The following ASIC2 variants were observed in gnomAD, a reference collection of about 807,000 sequenced individuals.
ASIC2 encodes the protein acid sensing ion channel subunit 2, also known as acid-sensing ion channel 2.
In ASIC2, 25 loss-of-function variants were observed where a neutral mutation model predicts 57.3. That is an observed-to-expected ratio of 0.44 (90% CI 0.32 to 0.61). The LOEUF is 0.61. Ranked by LOEUF, ASIC2 falls within the 20% of genes least tolerant of loss-of-function variation. ASIC2 has a pLI of 0.06. For missense variants in ASIC2, 641 were observed against 738.1 expected (o/e 0.87, Z 1.52); for synonymous variants, 319 against 307.5 (o/e 1.04, Z -0.39).
chr17:33,110,827 C>T (rs2092255139), intron 2 of ASIC2, among the ~76,000 whole-genome samples: 1 of 152,038 alleles, frequency 6.6e-6, no homozygotes, highest in South Asian at 2.1e-4. Context: ...TTTCCTCAGC[C>T]CCAACCTGAG....
At chr17:33,919,278 C>A (rs1040914797) in intron 1 of ASIC2, among the ~76,000 whole-genome samples, 2 of 152,072 alleles carry the variant, frequency 1.3e-5, no homozygotes, top group Non-Finnish European at 2.9e-5. Flanking sequence ...TGAGTCCAGT[C>A]GCTGATGAGC....
At chr17:33,468,678 A>C (rs1912940457) in intron 1 of ASIC2, among the ~76,000 whole-genome samples, 3 of 149,180 alleles carry the variant, frequency 2.0e-5, no homozygotes, top group Admixed American at 6.7e-5. Context: ...GTATACCCCC[A>C]CCCCACCCCC....
At chr17:33,980,403 T>C (rs1226891053) in intron 1 of ASIC2, among the ~76,000 whole-genome samples, 1 of 151,928 alleles carries the variant, frequency 6.6e-6, no homozygotes, top group East Asian at 1.9e-4. Flanking sequence ...CATCTAGAAA[T>C]GACTCAGTGG....
At position 33,292,638 on chromosome 17, in the gene ASIC2, G is replaced by T. The variant is rs1283434944; in HGVS notation, c.-523C>A. Reference sequence around the variant, plus strand: ...CCAGCCCGGCCCGTAGCCCAGCGGTGCTGGGACACGGGAGAGAAGGCGCCA... The same window carrying T: ...CCAGCCCGGCCCGTAGCCCAGCGGTTCTGGGACACGGGAGAGAAGGCGCCA... On this transcript the variant is annotated 5_prime_UTR_variant, in exon 1 of 10. Transcript: ENST00000225823. 4.1e-6 allele frequency: 4 copies of T among 985,672 alleles called. No individual in the cohort carries two copies. The highest frequency in any genetic ancestry group is 4.8e-6 in the Non-Finnish European group (4 of 830,220). 61.1% of individuals were successfully genotyped at this position (985,672 alleles called of 1,614,324 possible). A position where few individuals can be genotyped will look rare whatever the true frequency, so the allele number is the denominator to read the frequency against.
intron 1 of ASIC2, among the ~76,000 whole-genome samples, chr17:33,599,293 A>G (rs1422240839): frequency 6.6e-6 from 1 of 152,186 alleles, no homozygotes; most frequent in Non-Finnish European, 1.5e-5. Flanking sequence ...TCTTGCCCTC[A>G]ACACACAACC....
At chr17:34,155,903 A>C in intron 1 of ASIC2, 1 of 1,508,844 alleles carries the variant, frequency 6.6e-7, no homozygotes. Flanking sequence ...AGGAAACCCC[A>C]AACCAAGCAG....
At chr17:33,484,547 C>G (rs1913516582) in intron 1 of ASIC2, among the ~76,000 whole-genome samples, 1 of 152,128 alleles carries the variant, frequency 6.6e-6, no homozygotes, top group Non-Finnish European at 1.5e-5. Context: ...GTCATTTCAA[C>G]CAGTTACCAA....
At chr17:33,085,279 T>C (rs553182760) in intron 3 of ASIC2, among the ~76,000 whole-genome samples, 1 of 152,358 alleles carries the variant, frequency 6.6e-6, no homozygotes, top group African/African-American at 2.4e-5. Context: ...CCATATACTA[T>C]AAGATGCACC....
At chr17:34,101,542 G>C (rs1415472331) in intron 1 of ASIC2, among the ~76,000 whole-genome samples, 1 of 152,092 alleles carries the variant, frequency 6.6e-6, no homozygotes, top group South Asian at 2.1e-4. Flanking sequence ...ATGTACAGAG[G>C]ATAATTTAAT....
At chr17:34,137,789 G>A (rs1912165039) in intron 1 of ASIC2, among the ~76,000 whole-genome samples, 1 of 152,122 alleles carries the variant, frequency 6.6e-6, no homozygotes, top group Non-Finnish European at 1.5e-5. Flanking sequence ...CCTTCTAGCT[G>A]TGTCCTCATG....
At chr17:33,838,140 C>T (rs546515753) in intron 1 of ASIC2, among the ~76,000 whole-genome samples, 2 of 152,250 alleles carry the variant, frequency 1.3e-5, no homozygotes. Context: ...TTCTCCCAAC[C>T]AGAGTAGAAA....
At chr17:33,838,790 C>T (rs1236645891) in intron 1 of ASIC2, among the ~76,000 whole-genome samples, 1 of 152,106 alleles carries the variant, frequency 6.6e-6, no homozygotes, top group Non-Finnish European at 1.5e-5. Context: ...CCAATGTCTG[C>T]CCCAACCCAA....
chr17:33,666,031 G>A (rs527656433), intron 1 of ASIC2, among the ~76,000 whole-genome samples: 1 of 152,246 alleles, frequency 6.6e-6, no homozygotes, highest in South Asian at 2.1e-4. Context: ...TCTTTTCCAT[G>A]TCTCTGGCAC....
chr17:33,210,019 G>GA (rs1471170989), intron 1 of ASIC2, among the ~76,000 whole-genome samples: 1 of 152,176 alleles, frequency 6.6e-6, no homozygotes, highest in Non-Finnish European at 1.5e-5. Context: ...GTGGAAGAGG[G>GA]AAAAGAGACA....
intron 1 of ASIC2, among the ~76,000 whole-genome samples, chr17:33,285,078 C>T (rs184264411): frequency 6.6e-6 from 1 of 152,292 alleles, no homozygotes; most frequent in African/African-American, 2.4e-5. Flanking sequence ...TTCATCCAAG[C>T]AAATCACTTA....
intron 1 of ASIC2, among the ~76,000 whole-genome samples, chr17:33,147,870 C>T (rs1017414580): frequency 9.2e-5 from 14 of 152,154 alleles, no homozygotes; most frequent in Middle Eastern, 3.2e-3. Context: ...GTTGGAGCTG[C>T]GTGCTGTGGG....
At chr17:33,366,327 C>T (rs576989905) in intron 1 of ASIC2, among the ~76,000 whole-genome samples, 64 of 152,234 alleles carry the variant, frequency 4.2e-4, no homozygotes, top group Non-Finnish European at 6.6e-4. Context: ...TCTTCACTGT[C>T]TTTCTCTCCG....
At chr17:33,259,290 T>C (rs1256644788) in intron 1 of ASIC2, among the ~76,000 whole-genome samples, 1 of 152,226 alleles carries the variant, frequency 6.6e-6, no homozygotes, top group African/African-American at 2.4e-5. Context: ...GGTGGCATTA[T>C]CTTGTACAGC....
At chr17:33,389,983 G>A (rs1359906287) in intron 1 of ASIC2, among the ~76,000 whole-genome samples, 3 of 152,122 alleles carry the variant, frequency 2.0e-5, no homozygotes, top group Non-Finnish European at 4.4e-5. Context: ...CTGAGGCCCA[G>A]CCTGAGACTG....
Sources: gnomAD v4.1 joint callset for allele counts (sites outside exome capture counted in the v4.1 genomes callset) on GRCh38, gnomAD v4.1.1 for gene constraint, MANE v1.5 for transcripts, NCBI Gene and HGNC (gene_info 2026-07-23, HGNC 2026-07-21) for gene names.